Variants in CSMD1 observed in about 807,000 individuals in gnomAD.
The protein encoded by CSMD1 is CUB and Sushi multiple domains 1, also known as CUB and sushi domain-containing protein 1.
Under a neutral mutation model 417.5 loss-of-function variants are expected in CSMD1, and 213 were observed. That is an observed-to-expected ratio of 0.51 (90% CI 0.46 to 0.57). CSMD1 has a LOEUF of 0.57. Ranked by LOEUF, CSMD1 falls within the 20% of genes least tolerant of loss-of-function variation. The pLI is 0.00. For missense variants in CSMD1, 6,923 were observed against 4,529.7 expected (o/e 1.53, Z -15.17); for synonymous variants, 2,862 against 1,736.8 (o/e 1.65, Z -16.11).
chr8:2,939,042 T>C (rs959863037), intron 69 of CSMD1, among the ~76,000 whole-genome samples: 2 of 152,216 alleles, frequency 1.3e-5, no homozygotes, highest in Admixed American at 6.5e-5. Context: ...ACCACTCATT[T>C]CAGCCTTGAC....
At chr8:3,616,350 C>T (rs1802136828) in intron 8 of CSMD1, among the ~76,000 whole-genome samples, 1 of 152,100 alleles carries the variant, frequency 6.6e-6, no homozygotes, top group African/African-American at 2.4e-5. Flanking sequence ...TCTTCTCCTT[C>T]CTGTCACCAT....
intron 1 of CSMD1, among the ~76,000 whole-genome samples, chr8:4,770,634 G>T (rs1476694851): frequency 6.6e-6 from 1 of 152,010 alleles, no homozygotes; most frequent in Non-Finnish European, 1.5e-5. Context: ...CAGCGGAAGA[G>T]AATAGAGAGC....
At chr8:4,444,521 G>C (rs1654055597) in intron 2 of CSMD1, among the ~76,000 whole-genome samples, 1 of 151,984 alleles carries the variant, frequency 6.6e-6, no homozygotes, top group African/African-American at 2.4e-5. Context: ...AGTTTTTTTA[G>C]CCACGGAGAA....
At chr8:4,833,512 G>A (rs973937692) in intron 1 of CSMD1, among the ~76,000 whole-genome samples, 3 of 152,176 alleles carry the variant, frequency 2.0e-5, no homozygotes, top group Non-Finnish European at 4.4e-5. Context: ...GGGACACAGA[G>A]CCAAACCCTA....
intron 5 of CSMD1, among the ~76,000 whole-genome samples, chr8:3,946,942 G>A (rs1298048173): frequency 6.6e-6 from 1 of 152,084 alleles, no homozygotes; most frequent in African/African-American, 2.4e-5. Flanking sequence ...AGTAACTTTT[G>A]TATAGATTTA....
intron 23 of CSMD1, among the ~76,000 whole-genome samples, chr8:3,340,013 T>C (rs1447741380): frequency 2.6e-5 from 4 of 152,214 alleles, no homozygotes; most frequent in African/African-American, 9.7e-5. Flanking sequence ...AGCAACGTAT[T>C]TATTCCGATT....
chr8:4,225,561 T>C (rs1181242106), intron 3 of CSMD1, among the ~76,000 whole-genome samples: 1 of 151,834 alleles, frequency 6.6e-6, no homozygotes, highest in Non-Finnish European at 1.5e-5. Context: ...TTAGCATGGC[T>C]GTTAAGAGCC....
intron 54 of CSMD1, among the ~76,000 whole-genome samples, chr8:2,986,935 C>T (rs1443504553): frequency 6.6e-6 from 1 of 152,042 alleles, no homozygotes; most frequent in Non-Finnish European, 1.5e-5. Context: ...ACTTTTGCAT[C>T]GACCTAATAA....
chr8:3,526,855 C>T (rs1797773995), intron 10 of CSMD1, among the ~76,000 whole-genome samples: 1 of 152,196 alleles, frequency 6.6e-6, no homozygotes, highest in African/African-American at 2.4e-5. Context: ...TTTACCCAAT[C>T]ATCATTTTCT....
At chr8:4,461,071 T>TGTACCTCCTGG (rs1799787574) in intron 2 of CSMD1, among the ~76,000 whole-genome samples, 2 of 152,086 alleles carry the variant, frequency 1.3e-5, no homozygotes, top group African/African-American at 4.8e-5. Context: ...TGTGTCCAAG[T>TGTACCTCCTGG]GCTATTTATC....
chr8:4,415,692 A>G (rs1368671501), intron 3 of CSMD1, among the ~76,000 whole-genome samples: 1 of 152,206 alleles, frequency 6.6e-6, no homozygotes, highest in Admixed American at 6.5e-5. Context: ...GGCCCCGTGA[A>G]TGCTGATTAA....
At chr8:4,368,284 C>T (rs1040894509) in intron 3 of CSMD1, among the ~76,000 whole-genome samples, 8 of 152,068 alleles carry the variant, frequency 5.3e-5, no homozygotes, top group Non-Finnish European at 1.0e-4. Context: ...TATGGTGAAT[C>T]ACATTTATTG....
intron 3 of CSMD1, among the ~76,000 whole-genome samples, chr8:4,215,111 G>T (rs1285089173): frequency 6.6e-6 from 1 of 152,158 alleles, no homozygotes; most frequent in Non-Finnish European, 1.5e-5. Context: ...CAAGTGAATA[G>T]GTCTCAGTTC....
intron 5 of CSMD1, among the ~76,000 whole-genome samples, chr8:3,834,415 C>A (rs1186322174): frequency 6.6e-6 from 1 of 151,926 alleles, no homozygotes; most frequent in Non-Finnish European, 1.5e-5. Flanking sequence ...ACCCCAAATA[C>A]CCCCTGGAAG....
chr8:4,645,957 G>C (rs774905445), intron 1 of CSMD1, among the ~76,000 whole-genome samples: 2 of 152,066 alleles, frequency 1.3e-5, no homozygotes, highest in African/African-American at 2.4e-5. Context: ...TGATAAAGTC[G>C]GTTATATTCC....
intron 5 of CSMD1, among the ~76,000 whole-genome samples, chr8:3,883,157 G>A (rs949827991): frequency 1.3e-5 from 2 of 152,000 alleles, no homozygotes; most frequent in Non-Finnish European, 2.9e-5. Flanking sequence ...GCAAGCTCAG[G>A]CCTTGGAATT....
chr8:3,301,071 C>A lies in CSMD1; in HGVS notation c.3950+6624G>T, dbSNP rs114136260. Among the ~76,000 whole-genome samples, 26 of 150,318 alleles carry A rather than the reference C, an allele frequency of 1.7e-4. 1 individual carries two copies. Among genetic ancestry groups the A allele is most frequent in the African/African-American group, 2.9e-4 (12 of 40,860 alleles). ...CCACACCACACAATATACATTGATA[C>A]GTATAAGACATTTGCCATTGATGTC... On this transcript the variant is annotated intron_variant, in intron 25 of 69. Coordinates refer to ENST00000635120, the MANE Select transcript of CSMD1 (RefSeq NM_033225.6).
At chr8:3,020,215 A>G (rs1037283851) in intron 51 of CSMD1, among the ~76,000 whole-genome samples, 5 of 152,236 alleles carry the variant, frequency 3.3e-5, no homozygotes, top group African/African-American at 4.8e-5. Flanking sequence ...AACGGAAGCC[A>G]TCCCTCGCAC....
intron 3 of CSMD1, among the ~76,000 whole-genome samples, chr8:4,379,010 A>G (rs542201367): frequency 2.6e-5 from 4 of 152,232 alleles, no homozygotes; most frequent in African/African-American, 4.8e-5. Flanking sequence ...AGAAAGTAGC[A>G]AAGTATCTTC....
Sources: gnomAD v4.1 joint callset for allele counts (sites outside exome capture counted in the v4.1 genomes callset) on GRCh38, gnomAD v4.1.1 for gene constraint, MANE v1.5 for transcripts, NCBI Gene and HGNC (gene_info 2026-07-23, HGNC 2026-07-21) for gene names.